OLFM1: variants seen among roughly 807,000 people sequenced by gnomAD.
OLFM1 encodes olfactomedin 1, also known as noelin.
In OLFM1, 9 loss-of-function variants were observed where a neutral mutation model predicts 49.7. The ratio of observed to expected loss-of-function variants is 0.18; its 90% CI spans 0.11 to 0.32. The LOEUF is 0.32. Ranked by LOEUF, OLFM1 falls within the 10% of genes least tolerant of loss-of-function variation. OLFM1 has a pLI of 1.00. For missense variants in OLFM1, 369 were observed against 661.8 expected (o/e 0.56, Z 4.85); for synonymous variants, 240 against 271.8 (o/e 0.88, Z 1.15).
At chr9:135,119,360 G>C in intron 5 of OLFM1, 144 bp from the exon 6 acceptor site, 1 of 664,052 alleles carries the variant, frequency 1.5e-6, no homozygotes, top group East Asian at 2.7e-5. Flanking sequence ...AGTGCTTTCT[G>C]GGTCTTTGGA....
intron 5 of OLFM1, among the ~76,000 whole-genome samples, chr9:135,111,623 C>T (rs1009233407): frequency 6.6e-6 from 1 of 152,138 alleles, no homozygotes; most frequent in African/African-American, 2.4e-5. Flanking sequence ...CTGTGGGTGG[C>T]GTGGTTCAGA....
At chr9:135,115,709 G>A (rs1831087602) in intron 5 of OLFM1, among the ~76,000 whole-genome samples, 6 of 152,234 alleles carry the variant, frequency 3.9e-5, no homozygotes, top group Admixed American at 3.9e-4. Context: ...ATCACCACTG[G>A]CCAGATTGGT....
chr9:135,095,818 G>A, intron 2 of OLFM1, 46 bp from the exon 3 acceptor site: 1 of 1,602,692 alleles, frequency 6.2e-7, no homozygotes, highest in Non-Finnish European at 8.5e-7. Flanking sequence ...AAGATTGCCT[G>A]GCACCTACTG....
At chr9:135,101,203 G>C (rs901796499) in intron 4 of OLFM1, among the ~76,000 whole-genome samples, 1 of 152,130 alleles carries the variant, frequency 6.6e-6, no homozygotes, top group Non-Finnish European at 1.5e-5. Flanking sequence ...TGGGTGGTGA[G>C]GGCTTCTGTG....
Position 135,088,135 on chromosome 9 carries a change from C to A in OLFM1, c.146C>A (p.Thr49Asn). ...AAGGGTLDRSTGVLPTNPEES... is the reference protein window; with the variant it reads ...AAGGGTLDRSNGVLPTNPEES... ...GGCGGCGGGACGCTGGACCGCAGCA[C>A]CGGCGTAAGTGCGCCCGCCGGCCGC... is the stretch of plus-strand genomic sequence containing the variant. Residue 49 changes from threonine (T) to asparagine (N), a missense_variant, in exon 1 of 6, where the codon ACC (threonine) becomes AAC (asparagine). Thr to Asn is a moderately conservative substitution (Grantham distance 65, BLOSUM62 0). Coordinates refer to ENST00000371793, the MANE Select transcript of OLFM1 (RefSeq NM_001282611.2). The surrounding 1 kb of genome is among the most constrained non-coding windows in gnomAD (Gnocchi z 4.8). The A allele has an allele frequency of 7.3e-7, 1 of 1,372,174 alleles. No individual in the cohort carries two copies. Among genetic ancestry groups the A allele is most frequent in the South Asian group, 1.7e-5 (1 of 60,434 alleles). The allele number at this position is 1,372,174 out of a possible 1,614,324, so 85.0% of individuals were successfully genotyped here.
chr9:135,091,721 A>ACACAGTCACACTCACACATAGTCACG (rs1830707650), intron 2 of OLFM1, among the ~76,000 whole-genome samples: 1 of 150,312 alleles, frequency 6.7e-6, no homozygotes, highest in Non-Finnish European at 1.5e-5. Context: ...ACATAGTCAC[A>ACACAGTCACACTCACACATAGTCACG]CACTCATAGT....
chr9:135,108,096 G>T (rs972419101), intron 5 of OLFM1, among the ~76,000 whole-genome samples: 2 of 152,222 alleles, frequency 1.3e-5, no homozygotes, highest in African/African-American at 2.4e-5. Context: ...AGACTGCAGA[G>T]CCGGGATACA....
upstream of OLFM1, among the ~76,000 whole-genome samples, chr9:135,086,394 GTC>G (rs1417360144): frequency 2.0e-5 from 3 of 152,276 alleles, no homozygotes; most frequent in Non-Finnish European, 4.4e-5. Flanking sequence ...TGCAGCTGAA[GTC>G]TCTTCAGCCG....
intron 1 of OLFM1, chr9:135,077,480 A>G: frequency 2.3e-6 from 1 of 433,208 alleles, no homozygotes; most frequent in Non-Finnish European, 3.9e-6. Flanking sequence ...CTCAGTGGTG[A>G]AAGTATTTGT....
At chr9:135,109,499 G>T (rs998515102) in intron 5 of OLFM1, among the ~76,000 whole-genome samples, 2 of 152,126 alleles carry the variant, frequency 1.3e-5, no homozygotes, top group African/African-American at 4.8e-5. Flanking sequence ...GATGGGTGCT[G>T]GGGCTGGCAG....
At chr9:135,085,773 A>C (rs559577447), upstream of OLFM1, among the ~76,000 whole-genome samples, 1 of 152,360 alleles carries the variant, frequency 6.6e-6, no homozygotes, top group East Asian at 1.9e-4. Flanking sequence ...ATGGCCTTCT[A>C]AATCCAATTA....
rs1156831187 is a variant in OLFM1 at position 135,106,855 on chromosome 9, G to T, written c.783G>T (p.Arg261=). The T allele has an allele frequency of 6.2e-7, 1 of 1,605,806 alleles. No homozygotes were observed. The highest frequency in any genetic ancestry group is 8.5e-7 in the Non-Finnish European group (1 of 1,176,290). The part of the protein sequence containing the change: ...TDPLAPEGDN[R]VWYMDGYHNN... The stretch of plus-strand genomic sequence containing the variant: ...CTCTCGCCCCTGAAGGCGATAACCG[G>T]GTGAGTGTCCCCTTATGTCATAGGG... The change falls in exon 5 of 6, where the codon CGG becomes CGT. Residue 261 remains arginine (R), a splice_region_variant and synonymous_variant. Transcript: ENST00000371793.
chr9:135,090,140 C>A, intron 1 of OLFM1, 55 bp from the exon 2 acceptor site: 1 of 1,519,440 alleles, frequency 6.6e-7, no homozygotes, highest in South Asian at 1.2e-5. Flanking sequence ...GATACACAAC[C>A]TCATGGTCTC....
At chr9:135,097,963 G>A (rs1830822642) in intron 3 of OLFM1, 1 of 1,436,350 alleles carries the variant, frequency 7.0e-7, no homozygotes, top group Non-Finnish European at 9.1e-7. Flanking sequence ...GCATGCGACT[G>A]TAGCTGCATT....
At chr9:135,090,368 G>C (rs200331409) in intron 2 of OLFM1, 24 bp downstream of exon 2, 1 of 1,498,866 alleles carries the variant, frequency 6.7e-7, no homozygotes, top group Admixed American at 1.9e-5. Flanking sequence ...GAGTGTGTGA[G>C]TTTGTATGTG....
In OLFM1 at chr9:135,095,890, G is replaced by A. The variant is rs1002149520; in HGVS notation, c.327G>A (p.Glu109=). Residue 109 remains glutamate (E), a synonymous_variant, in exon 3 of 6, where the codon GAG becomes GAA. Coordinates refer to ENST00000371793, the MANE Select transcript of OLFM1 (RefSeq NM_001282611.2). ...EKVQNMSQSI[E]VLDRRTQRDL... ...TGCAGAACATGTCTCAATCCATAGA[G>A]GTCTTGGACAGGCGGACCCAGAGAG... 6.2e-7 allele frequency: 1 copy of A among 1,613,130 alleles called. No individual in the cohort carries two copies. Among genetic ancestry groups the A allele is most frequent in the Non-Finnish European group, 8.5e-7 (1 of 1,179,546 alleles).
chr9:135,076,341 G>A, intron 1 of OLFM1: 2 of 1,548,132 alleles, frequency 1.3e-6, no homozygotes, highest in East Asian at 4.9e-5. Context: ...TGTGTGCATT[G>A]CTGGCTTAAT....
chr9:135,087,843 C>T lies in OLFM1; in HGVS notation c.-147C>T. The T allele has an allele frequency of 1.1e-6, 1 of 936,530 alleles. No homozygotes were observed. Among genetic ancestry groups the T allele is most frequent in the Non-Finnish European group, 1.3e-6 (1 of 788,632 alleles). The allele number at this position is 936,530 out of a possible 1,614,324, so 58.0% of individuals were successfully genotyped here. On this transcript the variant is annotated 5_prime_UTR_variant, in exon 1 of 6. Coordinates refer to ENST00000371793, the MANE Select transcript of OLFM1 (RefSeq NM_001282611.2). ...ATGGCCGGGGCGCGCGGGGCGGCGG[C>T]GGCGGCGGGCGGGCGGCGGCGGGCC...
At position 135,088,835 on chromosome 9, in the gene OLFM1, C is replaced by G. The variant is rs1177837778; in HGVS notation, c.150+696C>G. Among the ~76,000 whole-genome samples the G allele has an allele frequency of 6.6e-6, 1 of 152,224 alleles. No individual in the cohort carries two copies. Among genetic ancestry groups the G allele is most frequent in the East Asian group, 1.9e-4 (1 of 5,178 alleles). On this transcript the variant is annotated intron_variant, in intron 1 of 5. Coordinates refer to ENST00000371793, the MANE Select transcript of OLFM1 (RefSeq NM_001282611.2). This position sits in a 1 kb window ranked among gnomAD's most constrained non-coding sequence, Gnocchi z 4.8. The stretch of plus-strand genomic sequence containing the variant: ...TTGCCTTCGTCTTCTGCGCGCACCC[C>G]TCCCTCCTGGCCTCTGAAATTGAAA...
Sources: gnomAD v4.1 joint callset for allele counts (sites outside exome capture counted in the v4.1 genomes callset) on GRCh38, gnomAD v4.1.1 for gene constraint, Gnocchi (gnomAD v3.1) non-coding constraint, MANE v1.5 for transcripts, NCBI Gene and HGNC (gene_info 2026-07-23, HGNC 2026-07-21) for gene names.